CADM1: variants seen among roughly 807,000 people sequenced by gnomAD.
CADM1 encodes TSLC-1.
CADM1 carries 15 observed loss-of-function variants against 53.1 expected under a neutral mutation model. The ratio of observed to expected loss-of-function variants is 0.28; its 90% CI spans 0.19 to 0.44. The LOEUF (loss-of-function observed/expected upper bound fraction) is 0.44, where lower values mean the gene tolerates loss of function less well. Among genes scored for constraint, CADM1 ranks in the 20% least tolerant of loss-of-function variants. The probability of loss-of-function intolerance (pLI) is 1.00; values close to 1 mark genes in which losing one functional copy is unlikely to be tolerated. For missense variants in CADM1, 434 were observed against 611.3 expected, an observed-to-expected ratio of 0.71 and a Z score of 3.06; for synonymous variants, 281 against 243.0, an observed-to-expected ratio of 1.16 and a Z score of -1.45.
chr11:115,185,660 A>G (rs933099031), intron 10 of CADM1, among the ~76,000 whole-genome samples: 7 of 152,244 alleles, frequency 4.6e-5, no homozygotes, highest in African/African-American at 1.7e-4. Context: ...CAGAGACACC[A>G]GAAGTCGTGC....
intron 1 of CADM1, among the ~76,000 whole-genome samples, chr11:115,501,384 C>T (rs576077749): frequency 3.3e-5 from 5 of 152,148 alleles, no homozygotes; most frequent in Admixed American, 6.5e-5. Flanking sequence ...AGTCAGCCCC[C>T]CTCCTTCCCA....
chr11:115,482,830 G>A (rs768810983), intron 1 of CADM1, among the ~76,000 whole-genome samples: 37 of 152,148 alleles, frequency 2.4e-4, no homozygotes, highest in Non-Finnish European at 4.4e-4. Context: ...ATAATAAAAC[G>A]AATAGGACTA....
At chr11:115,468,897 C>T (rs1215369616) in intron 1 of CADM1, among the ~76,000 whole-genome samples, 1 of 152,188 alleles carries the variant, frequency 6.6e-6, no homozygotes, top group Non-Finnish European at 1.5e-5. Flanking sequence ...AGCAAAGTTA[C>T]GTCCTACATG....
At chr11:115,502,638 A>AC (rs1214096898) in intron 1 of CADM1, among the ~76,000 whole-genome samples, 1 of 151,866 alleles carries the variant, frequency 6.6e-6, no homozygotes, top group African/African-American at 2.4e-5. Flanking sequence ...GAGGAAAAAA[A>AC]CCCTCAGCGC....
At chr11:115,281,561 A>C (rs1265322733) in intron 1 of CADM1, among the ~76,000 whole-genome samples, 4 of 152,216 alleles carry the variant, frequency 2.6e-5, no homozygotes, top group Admixed American at 6.5e-5. Flanking sequence ...ATCCAGCTTA[A>C]GATTCTGAAT....
chr11:115,296,388 A>C (rs1194446479), intron 1 of CADM1, among the ~76,000 whole-genome samples: 1 of 152,142 alleles, frequency 6.6e-6, no homozygotes, highest in Non-Finnish European at 1.5e-5. Flanking sequence ...GATAAGGCCT[A>C]GTGGGAGGTG....
chr11:115,403,696 A>C (rs1440922229), intron 1 of CADM1, among the ~76,000 whole-genome samples: 1 of 152,028 alleles, frequency 6.6e-6, no homozygotes, highest in East Asian at 1.9e-4. Flanking sequence ...TCCTGGGTTC[A>C]AGCAGTTCTC....
At chr11:115,465,103 C>T (rs1421180865) in intron 1 of CADM1, among the ~76,000 whole-genome samples, 1 of 152,128 alleles carries the variant, frequency 6.6e-6, no homozygotes, top group Non-Finnish European at 1.5e-5. Flanking sequence ...TTGCCATGTA[C>T]CTAGATTTCA....
intron 1 of CADM1, among the ~76,000 whole-genome samples, chr11:115,348,960 G>C (rs1316846674): frequency 2.0e-5 from 3 of 152,106 alleles, no homozygotes; most frequent in African/African-American, 4.8e-5. Flanking sequence ...ATTATTAAAA[G>C]GGACATGCTA....
At chr11:115,255,285 C>A (rs921575724) in intron 1 of CADM1, among the ~76,000 whole-genome samples, 1 of 152,162 alleles carries the variant, frequency 6.6e-6, no homozygotes, top group East Asian at 1.9e-4. Context: ...TGCAATATGA[C>A]TCAAGAGGGT....
At chr11:115,243,678 C>T (rs1214633515) in intron 1 of CADM1, among the ~76,000 whole-genome samples, 1 of 152,178 alleles carries the variant, frequency 6.6e-6, no homozygotes, top group Non-Finnish European at 1.5e-5. Context: ...GAAGAGTGCA[C>T]TGTGACTTGA....
chr11:115,182,253 GTGGAAAGCACTTTTAAACATGCC>G (rs1430606781), intron 10 of CADM1, among the ~76,000 whole-genome samples: 3 of 152,218 alleles, frequency 2.0e-5, no homozygotes, highest in Non-Finnish European at 2.9e-5. Flanking sequence ...AAATGTGGGA[GTGGAAAGCACTTTTAAACATGCC>G]TGATGCTCAG....
intron 1 of CADM1, among the ~76,000 whole-genome samples, chr11:115,417,932 T>A (rs1947647360): frequency 6.6e-6 from 1 of 152,172 alleles, no homozygotes. Context: ...GAAGATGCAT[T>A]TATCCTTATT....
At chr11:115,204,388 A>T (rs1461209369) in intron 8 of CADM1, among the ~76,000 whole-genome samples, 1 of 152,184 alleles carries the variant, frequency 6.6e-6, no homozygotes, top group South Asian at 2.1e-4. Context: ...ATTGGGTTCC[A>T]ATGTGTGTAA....
rs1939820827 is a variant in CADM1 at position 115,190,923 on chromosome 11, T to C, written c.1130A>G (p.Asn377Ser). The change falls in exon 10 of 12, where the codon AAT becomes AGT. Residue 377 changes from asparagine (N) to serine (S), a missense_variant. By Grantham distance (46) the Asn-to-Ser change is conservative (BLOSUM62 1). This residue lies in a region of CADM1 where 311 missense variants were observed against 435.1 expected (regional missense o/e 0.71). Transcript: ENST00000331581. ...PAVHGLTQLP[N>S]SAEELDSEDL... The stretch of plus-strand genomic sequence containing the variant: ...CTCACTGTCCAGTTCTTCTGCGGAA[T>C]TGGGCAACTGAGTAAGGCCTTACAA... 2 of 1,594,706 alleles carry C rather than the reference T, an allele frequency of 1.3e-6. No individual in the cohort carries two copies. The highest frequency in any genetic ancestry group is 1.7e-6 in the Non-Finnish European group (2 of 1,178,250).
chr11:115,360,554 T>C (rs1945999691), intron 1 of CADM1, among the ~76,000 whole-genome samples: 2 of 152,198 alleles, frequency 1.3e-5, no homozygotes, highest in Admixed American at 6.5e-5. Context: ...GATGAAAATA[T>C]ATCAAAGCCA....
intron 1 of CADM1, among the ~76,000 whole-genome samples, chr11:115,324,731 C>CA (rs1565365689): frequency 6.6e-6 from 1 of 152,170 alleles, no homozygotes; most frequent in Non-Finnish European, 1.5e-5. Flanking sequence ...AGGTGTCACT[C>CA]AGAGACTGAG....
chr11:115,317,208 G>C (rs11215482), intron 1 of CADM1, among the ~76,000 whole-genome samples: 23,328 of 152,046 alleles, frequency 0.15, 2,153 homozygotes, highest in African/African-American at 0.24. Context: ...ACAGAAAATT[G>C]ATCTTCAATT....
At position 115,176,026 on chromosome 11, in the gene CADM1, C is replaced by A; in HGVS notation, c.*448G>T. The A allele has an allele frequency of 1.9e-6, 2 of 1,046,546 alleles. No individual in the cohort carries two copies. Among genetic ancestry groups the A allele is most frequent in the Non-Finnish European group, 2.3e-6 (2 of 867,810 alleles). The allele number at this position is 1,046,546 out of a possible 1,614,324, so 64.8% of individuals were successfully genotyped here. On this transcript the variant is annotated 3_prime_UTR_variant, in exon 12 of 12. Transcript: ENST00000331581. ...AATAAACAAAAGTAAAAAACTAGAA[C>A]AGAAAAGGGAAGGAAAAGAGTCTAA... is the stretch of plus-strand genomic sequence containing the variant.
Sources: allele counts gnomAD v4.1 joint callset (sites outside exome capture counted in the v4.1 genomes callset), GRCh38; gene constraint gnomAD v4.1.1; regional missense constraint gnomAD v4.1.1; transcripts MANE v1.5; gene names NCBI Gene and HGNC (gene_info 2026-07-23, HGNC 2026-07-21).